Variants in C3orf49 observed in about 807,000 individuals in gnomAD.
C3orf49 encodes putative uncharacterized protein C3orf49.
Under a neutral mutation model 13.3 loss-of-function variants are expected in C3orf49, and 27 were observed. The observed-to-expected ratio is 2.02, with a 90% CI of 1.49 to 2.79. The LOEUF is 2.79. Ranked by LOEUF, C3orf49 falls within the 30% of genes most tolerant of loss-of-function variation. The probability of loss-of-function intolerance (pLI) is 0.00; values close to 1 mark genes in which losing one functional copy is unlikely to be tolerated. For missense variants in C3orf49, 242 were observed against 134.2 expected, an observed-to-expected ratio of 1.80 and a Z score of -3.97; for synonymous variants, 87 against 47.6, an observed-to-expected ratio of 1.83 and a Z score of -3.40.
chr3:63,819,312 A>G lies in C3orf49; in HGVS notation c.-160A>G. 1 of 574,496 alleles carries G rather than the reference A, an allele frequency of 1.7e-6. No individual in the cohort carries two copies. The highest frequency in any genetic ancestry group is 3.1e-6 in the Non-Finnish European group (1 of 321,554). The allele number at this position is 574,496 out of a possible 1,614,324, so 35.6% of individuals were successfully genotyped here. A position where few individuals can be genotyped will look rare whatever the true frequency, so the allele number is the denominator to read the frequency against. On this transcript the variant is annotated 5_prime_UTR_variant, in exon 1 of 7. Coordinates refer to ENST00000295896, the MANE Select transcript of C3orf49 (RefSeq NM_001355236.2). ...CACAAATAATGTCTCTAACACCTGG[A>G]AGGGAATAAGGGAAAGACTCTAAAA...
At chr3:63,794,838 A>G in the C3orf49 span, among the ~76,000 whole-genome samples, 1 of 152,100 alleles carries the variant, frequency 6.6e-6, no homozygotes, top group African/African-American at 2.4e-5. Flanking sequence ...CAGGGAACCT[A>G]AGGCTGTTTC....
intron 1 of C3orf49, among the ~76,000 whole-genome samples, 178 bp downstream of exon 1, chr3:63,819,774 A>T (rs1468652134): frequency 1.3e-5 from 2 of 152,186 alleles, no homozygotes; most frequent in Non-Finnish European, 2.9e-5. Context: ...GATCAGAAAC[A>T]TCTTAATTGT....
intron 3 of C3orf49, among the ~76,000 whole-genome samples, chr3:63,830,489 C>T (rs1356559853): frequency 6.6e-6 from 1 of 152,004 alleles, no homozygotes; most frequent in African/African-American, 2.4e-5. Flanking sequence ...AATTATTAAG[C>T]ACAAGGGGAA....
the C3orf49 span, among the ~76,000 whole-genome samples, chr3:63,788,738 A>C: frequency 1.3e-5 from 2 of 151,962 alleles, no homozygotes; most frequent in Non-Finnish European, 1.5e-5. Context: ...TAAAAAAAAA[A>C]AACAAAAAAA....
chr3:63,786,739 C>T, the C3orf49 span, among the ~76,000 whole-genome samples: 4 of 152,192 alleles, frequency 2.6e-5, no homozygotes, highest in Non-Finnish European at 5.9e-5. Flanking sequence ...AACTCTATGT[C>T]ATAGGTACTG....
At chr3:63,781,401 C>T in the C3orf49 span, among the ~76,000 whole-genome samples, 32,629 of 151,778 alleles carry the variant, frequency 0.21, 3,451 homozygotes, top group East Asian at 0.3. Context: ...AGCCTTGTAG[C>T]ATAGTTTGAA....
chr3:63,836,313 T>C (rs763409823), intron 5 of C3orf49: 4 of 1,612,796 alleles, frequency 2.5e-6, no homozygotes, highest in South Asian at 2.2e-5. Context: ...TAATGTCTCA[T>C]GCCTGTCTGG....
chr3:63,807,932 GAAAAGAAA>G, the C3orf49 span, among the ~76,000 whole-genome samples: 9 of 145,780 alleles, frequency 6.2e-5, no homozygotes, highest in East Asian at 1.2e-3. Context: ...GGAAAGAAAA[GAAAAGAAA>G]AAAAGAAAAA....
the C3orf49 span, chr3:63,805,139 C>T: frequency 2.0e-5 from 3 of 152,150 alleles, no homozygotes; most frequent in South Asian, 2.1e-4. Context: ...TGAGGTGAGA[C>T]AGACACAGTG....
chr3:63,824,836 C>CA (rs34464702), intron 2 of C3orf49, among the ~76,000 whole-genome samples: 70,793 of 107,652 alleles, frequency 0.66, 21,367 homozygotes, highest in South Asian at 0.74. Flanking sequence ...GACCCTGTCT[C>CA]AAAAAAAAAA....
the C3orf49 span, among the ~76,000 whole-genome samples, chr3:63,787,365 A>T: frequency 6.6e-6 from 1 of 152,138 alleles, no homozygotes; most frequent in African/African-American, 2.4e-5. Flanking sequence ...ACTCACAGAC[A>T]CTGGGTCTGG....
At chr3:63,798,714 A>G in the C3orf49 span, among the ~76,000 whole-genome samples, 3 of 152,112 alleles carry the variant, frequency 2.0e-5, no homozygotes, top group Admixed American at 1.3e-4. Context: ...CTACTGTGTC[A>G]CAATGATGTA....
chr3:63,834,177 T>C (rs1360022206), intron 5 of C3orf49: 3 of 1,614,110 alleles, frequency 1.9e-6, no homozygotes, highest in Admixed American at 3.3e-5. Context: ...GAGCTTCTTC[T>C]ACCTCTGAGA....
At chr3:63,807,857 C>CAAAAAAAAAAAAAAAAAAAAAAAAAAA in the C3orf49 span, among the ~76,000 whole-genome samples, 1 of 32,240 alleles carries the variant, frequency 3.1e-5, no homozygotes, top group Admixed American at 4.1e-4. Flanking sequence ...AACTTCATCT[C>CAAAAAAAAAAAAAAAAAAAAAAAAAAA]AAAAAAAAAA....
chr3:63,824,428 T>G (rs987514538), intron 2 of C3orf49, among the ~76,000 whole-genome samples: 3 of 152,216 alleles, frequency 2.0e-5, no homozygotes, highest in African/African-American at 7.2e-5. Flanking sequence ...AATTAATATT[T>G]GAACTGTTAA....
At position 63,819,432 on chromosome 3, in the gene C3orf49, A is replaced by C; in HGVS notation, c.-40A>C. 1 of 699,820 alleles carries C rather than the reference A, an allele frequency of 1.4e-6. No homozygotes were observed. Among genetic ancestry groups the C allele is most frequent in the Non-Finnish European group, 2.6e-6 (1 of 383,548 alleles). 43.4% of individuals were successfully genotyped at this position (699,820 alleles called of 1,614,324 possible). A position where few individuals can be genotyped will look rare whatever the true frequency, so the allele number is the denominator to read the frequency against. On this transcript the variant is annotated 5_prime_UTR_variant, in exon 1 of 7. Transcript: ENST00000295896. Reference sequence around the variant, plus strand: ...TTGAAGTCTGTAAGTTCAAGAACTAAAACAATCCAAAACGGCTACTACAGG... The same window carrying C: ...TTGAAGTCTGTAAGTTCAAGAACTACAACAATCCAAAACGGCTACTACAGG...
rs1438512122 is a variant in C3orf49, at chr3:63,827,659, A to G, written c.504A>G (p.Thr168=). 1.4e-6 allele frequency: 1 copy of G among 702,990 alleles called. No homozygotes were observed. The highest frequency in any genetic ancestry group is 2.0e-5 in the Admixed American group (1 of 49,978). 43.5% of individuals were successfully genotyped at this position (702,990 alleles called of 1,614,324 possible). Residue 168 remains threonine, a synonymous_variant, in exon 3 of 7, where the codon ACA becomes ACG. Coordinates refer to ENST00000295896, the MANE Select transcript of C3orf49 (RefSeq NM_001355236.2). The stretch of plus-strand genomic sequence containing the variant: ...CAGAGGAGATAACCCAGGGAAACAC[A>G]CTCCTTCGGGCCAGGAGAACCACCA... ...AETEEITQGN[T]LLRARRTTKR...
In C3orf49 at chr3:63,847,195, T is replaced by TA. The variant is rs532669432; in HGVS notation, c.*31-1162dup. 7.7e-3 allele frequency among the ~76,000 whole-genome samples: 1,168 copies of TA among 152,230 alleles called. 8 individuals carry two copies. Among genetic ancestry groups the TA allele is most frequent in the Middle Eastern group, 0.017 (5 of 294 alleles). On this transcript the variant is annotated intron_variant, in intron 6 of 6. Transcript: ENST00000295896. ...ATCAGGCTTCCCACCCACCCTGTGA[T>TA]AAAAAAAGTTCCTATAAATCTGGTA...
rs952473348 is a variant in C3orf49 at position 63,831,111 on chromosome 3, G to C, written c.572G>C (p.Gly191Ala). 2 of 699,896 alleles carry C rather than the reference G, an allele frequency of 2.9e-6. No individual in the cohort carries two copies. Among genetic ancestry groups the C allele is most frequent in the African/African-American group, 3.5e-5 (2 of 56,780 alleles). The allele number at this position is 699,896 out of a possible 1,614,324, so 43.4% of individuals were successfully genotyped here. The stretch of plus-strand genomic sequence containing the variant: ...ATGTGTTTTGCATTTTTACCATAGG[G>C]GCCATATTCACCAAAAAAGAGACCA... ...VTSLPSGLQK[G>A]PYSPKKRPHF... The change falls in exon 4 of 7, where the codon GGG becomes GCG. Residue 191 changes from glycine to alanine, a missense_variant and splice_region_variant. By Grantham distance (60) the Gly-to-Ala change is moderately conservative (BLOSUM62 0). Coordinates refer to ENST00000295896, the MANE Select transcript of C3orf49 (RefSeq NM_001355236.2).
Sources: gnomAD v4.1 joint callset for allele counts (sites outside exome capture counted in the v4.1 genomes callset) on GRCh38, gnomAD v4.1.1 for gene constraint, MANE v1.5 for transcripts, NCBI Gene and HGNC (gene_info 2026-07-23, HGNC 2026-07-21) for gene names.